The following MUC4 variants were observed in gnomAD, a reference collection of about 807,000 sequenced individuals.
MUC4 encodes the protein mucin 4, cell surface associated.
A neutral mutation model predicts 257.9 loss-of-function variants in MUC4; 202 were observed. That is an observed-to-expected ratio of 0.78 (90% CI 0.70 to 0.88). The LOEUF (loss-of-function observed/expected upper bound fraction) is 0.88. Among genes scored for constraint, MUC4 ranks in the 40% least tolerant of loss-of-function variants. The pLI, the probability that MUC4 is intolerant of heterozygous loss-of-function variation, is 0.00. For synonymous variants in MUC4, 2,351 were observed against 2,757.1 expected, an observed-to-expected ratio of 0.85 and a Z score of 4.62; for missense variants, 5,976 against 6,513.7, an observed-to-expected ratio of 0.92 and a Z score of 2.84.
In MUC4 at chr3:195,780,153, A is replaced by T. The variant is rs1726737424; in HGVS notation, c.11427T>A (p.Leu3809=). The T allele has an allele frequency of 6.7e-7, 1 of 1,492,674 alleles. No homozygotes were observed. Among genetic ancestry groups the T allele is most frequent in the Non-Finnish European group, 9.1e-7 (1 of 1,103,956 alleles). The allele number at this position is 1,492,674 out of a possible 1,614,324, so 92.5% of individuals were successfully genotyped here. ...SSASTGQATP[L]PVTSLSSVST... is the part of the protein sequence containing the mutation. ...ATACTGAGGAAAGGCTGGTGACAGG[A>T]AGAGGGGTGGCCTGACCTGTGGATG... The change falls in exon 2 of 25, where the codon CTT becomes CTA. Residue 3809 remains leucine (L), a synonymous_variant. Coordinates refer to ENST00000463781, the MANE Select transcript of MUC4 (RefSeq NM_018406.7).
intron 24 of MUC4, among the ~76,000 whole-genome samples, chr3:195,748,427 G>A (rs1346634346): frequency 6.6e-6 from 1 of 152,282 alleles, no homozygotes; most frequent in East Asian, 1.9e-4. Context: ...AGCTGGGCGT[G>A]GTGGTGCATG....
Position 195,766,653 on chromosome 3 carries a change from G to A in MUC4, c.13618+10C>T, listed in dbSNP as rs779149395. The A allele has an allele frequency of 1.6e-5, 26 of 1,613,172 alleles. No individual in the cohort carries two copies. The South Asian group carries it at 2.2e-4, about 14-fold the overall frequency. ...AGACCAGCTCAGGTGTGATAAGGTG[G>A]CACTTTTACCTGAGTTGGAATTCAG... On this transcript the variant is annotated intron_variant, in intron 8 of 24. Transcript: ENST00000463781.
At chr3:195,764,520 T>G (rs1044616468) in intron 10 of MUC4, among the ~76,000 whole-genome samples, 9 of 152,096 alleles carry the variant, frequency 5.9e-5, no homozygotes, top group African/African-American at 2.2e-4. Flanking sequence ...CAAGTACTGC[T>G]GCTCTCAACG....
In MUC4 at chr3:195,804,202, C is replaced by A. The variant is rs190663530; in HGVS notation, c.82+7534G>T. Among the ~76,000 whole-genome samples the A allele has an allele frequency of 4.9e-3, 749 of 152,328 alleles. 2 individuals are homozygous for A. Among genetic ancestry groups the A allele is most frequent in the Non-Finnish European group, 7.8e-3 (532 of 68,022 alleles). ...AGGCTCTGTCAAGCCTCTGCCATCACGTCAGCCAGAGATCTCCCATCAAGG... is the reference window on the plus strand; with the variant it reads ...AGGCTCTGTCAAGCCTCTGCCATCAAGTCAGCCAGAGATCTCCCATCAAGG... On this transcript the variant is annotated intron_variant, in intron 1 of 24. Transcript: ENST00000463781.
In MUC4 at chr3:195,759,254, G is replaced by A. The variant is rs750614470; in HGVS notation, c.14856C>T (p.Tyr4952=). Residue 4952 remains tyrosine, a synonymous_variant, in exon 17 of 25, where the codon TAC becomes TAT. Transcript: ENST00000463781. ...CACGACCACCATTGATGGAGGGCGG[G>A]TACTGATCTGAAACACAAAGAGGGA... ...YEQANATLNQ[Y]PPSINGGRVI... is the part of the protein sequence containing the mutation. 6.2e-7 allele frequency: 1 copy of A among 1,613,842 alleles called. No homozygotes were observed. The highest frequency in any genetic ancestry group is 2.2e-5 in the East Asian group (1 of 44,894).
At chr3:195,770,182 A>G in intron 6 of MUC4, 34 bp downstream of exon 6, 1 of 1,521,508 alleles carries the variant, frequency 6.6e-7, no homozygotes, top group Non-Finnish European at 8.8e-7. Flanking sequence ...TGACTCCCAG[A>G]TAGCTCCTGG....
chr3:195,790,012 G>A lies in MUC4; in HGVS notation c.1568C>T (p.Thr523Ile), dbSNP rs913854922. 5.6e-6 allele frequency: 9 copies of A among 1,613,902 alleles called. No homozygotes were observed. The African/African-American group carries it at 6.7e-5, about 12-fold the overall frequency. The change falls in exon 2 of 25, where the codon ACA becomes ATA. Residue 523 changes from threonine to isoleucine, a missense_variant. Thr to Ile is a moderately conservative substitution (Grantham distance 89, BLOSUM62 -1). Coordinates refer to ENST00000463781, the MANE Select transcript of MUC4 (RefSeq NM_018406.7). ...ATRLVTGNPS[T>I]GTAGTIPRVP... ...CCTTGGAATAGTGCCAGCTGTCCCT[G>A]TAGATGGATTTCCTGTGACAAGCCT... is the stretch of plus-strand genomic sequence containing the variant.
Position 195,749,028 on chromosome 3 carries a change from T to C in MUC4, c.15908A>G (p.Asp5303Gly). The C allele has an allele frequency of 6.2e-7, 1 of 1,609,036 alleles. No individual in the cohort carries two copies. Among genetic ancestry groups the C allele is most frequent in the Non-Finnish European group, 8.5e-7 (1 of 1,177,626 alleles). ...GACCAGGTCGTAGCCCTTGTAGCCA[T>C]CGCATCTGAAGTAAGCCTTCAGCGT... is the stretch of plus-strand genomic sequence containing the variant. ...VSTLKAYFRC[D>G]GYKGYDLVYS... Residue 5303 changes from aspartate to glycine, a missense_variant, in exon 24 of 25, where the codon GAT becomes GGT. Physicochemically the swap from Asp to Gly is moderately conservative, Grantham distance 94 (BLOSUM62 -1). Transcript: ENST00000463781.
Position 195,788,534 on chromosome 3 carries a change from A to T in MUC4, c.3046T>A (p.Ser1016Thr). The change falls in exon 2 of 25, where the codon TCA (serine) becomes ACA (threonine). Residue 1016 changes from serine (S) to threonine (T), a missense_variant. Ser to Thr is a moderately conservative substitution (Grantham distance 58). Coordinates refer to ENST00000463781, the MANE Select transcript of MUC4 (RefSeq NM_018406.7). The stretch of plus-strand genomic sequence containing the variant: ...GGGGTGGTGTGACCTGTGGATACTG[A>T]GGAAGGGCTGGTGACAGGAAGAGGG... ...ATPLPVTSPS[S>T]VSTGHTTPLP... is the part of the protein sequence containing the mutation. 1.4e-6 allele frequency: 2 copies of T among 1,470,804 alleles called. No homozygotes were observed. Among genetic ancestry groups the T allele is most frequent in the Non-Finnish European group, 1.8e-6 (2 of 1,094,960 alleles). The allele number at this position is 1,470,804 out of a possible 1,614,324, so 91.1% of individuals were successfully genotyped here.
chr3:195,764,082 GGGCC>G lies in MUC4; in HGVS notation c.14003_14006del (p.Arg4668ProfsTer103), dbSNP rs1719867310. 1 of 1,609,886 alleles carries G rather than the reference GGGCC, an allele frequency of 6.2e-7. No individual in the cohort carries two copies. The highest frequency in any genetic ancestry group is 1.3e-5 in the African/African-American group (1 of 74,904). On this transcript the variant is annotated frameshift_variant, in exon 11 of 25. Transcript: ENST00000463781. LOFTEE classifies it high-confidence loss of function. Reference sequence around the variant, plus strand: ...GCCTGTATGTAGCACAGCCCACGTGGGGCCGCCTCTGCTGGTACAGGGCACAGAG... The same window carrying G: ...GCCTGTATGTAGCACAGCCCACGTGGGCCTCTGCTGGTACAGGGCACAGAG...
rs1372700169 is a variant in MUC4 at position 195,755,883 on chromosome 3, G to A, written c.15168+1264C>T. Among the ~76,000 whole-genome samples, 2 of 152,022 alleles carry A rather than the reference G, an allele frequency of 1.3e-5. No homozygotes were observed. The highest frequency in any genetic ancestry group is 2.9e-5 in the Non-Finnish European group (2 of 68,008). On this transcript the variant is annotated intron_variant, in intron 18 of 24. Transcript: ENST00000463781. The surrounding 1 kb of genome is among the most constrained non-coding windows in gnomAD (Gnocchi z 5.0). ...TGTGTCTGTGTGTGCGTGTGCATGC[G>A]TGTGTGTGTAAGTGGTGAAGGAGGT...
At chr3:195,766,640 G>A (rs1720560253) in intron 8 of MUC4, 23 bp downstream of exon 8, 2 of 1,607,050 alleles carry the variant, frequency 1.2e-6, no homozygotes, top group Admixed American at 1.7e-5. Flanking sequence ...ACCAGCTCAG[G>A]TGTGATAAGG....
intron 7 of MUC4, among the ~76,000 whole-genome samples, chr3:195,767,534 C>T (rs866240661): frequency 9.9e-5 from 12 of 121,020 alleles, no homozygotes; most frequent in Middle Eastern, 4.5e-3. Context: ...ACCATCGCCA[C>T]CACCATCATC....
chr3:195,791,446 G>A lies in MUC4; in HGVS notation c.134C>T (p.Thr45Ile), dbSNP rs181580693. ...ITGSKTAAPV[T>I]STGSTTATLE... ...TGTCGCTGTTGTTGAGCCTGTTGAGGTGACTGGGGCAGCAGTTTTACTTCC... is the reference window on the plus strand; with the variant it reads ...TGTCGCTGTTGTTGAGCCTGTTGAGATGACTGGGGCAGCAGTTTTACTTCC... The change falls in exon 2 of 25, where the codon ACC (threonine) becomes ATC (isoleucine). Residue 45 changes from threonine to isoleucine, a missense_variant. Transcript: ENST00000463781. 3.1e-6 allele frequency: 5 copies of A among 1,613,968 alleles called. No individual in the cohort carries two copies. The highest frequency in any genetic ancestry group is 4.2e-6 in the Non-Finnish European group (5 of 1,179,884).
At chr3:195,799,200 C>T (rs910127196) in intron 1 of MUC4, among the ~76,000 whole-genome samples, 1 of 150,496 alleles carries the variant, frequency 6.6e-6, no homozygotes, top group Non-Finnish European at 1.5e-5. Flanking sequence ...TATGCCCGTT[C>T]TGTGTGTTGC....
rs748211868 is a variant in MUC4, at chr3:195,783,217, G to T, written c.8363C>A (p.Thr2788Asn). The T allele has an allele frequency of 7.3e-7, 1 of 1,375,572 alleles. No homozygotes were observed. The highest frequency in any genetic ancestry group is 1.0e-6 in the Non-Finnish European group (1 of 1,003,744). The allele number at this position is 1,375,572 out of a possible 1,614,324, so 85.2% of individuals were successfully genotyped here. ...ACCTGTGGATGCTGAGGAAGGGCTG[G>T]TGACATGAAGAGGGGTGGCGTGACC... ...STGHATPLHV[T>N]SPSSASTGHT... Residue 2788 changes from threonine (T) to asparagine (N), a missense_variant, in exon 2 of 25, where the codon ACC (threonine) becomes AAC (asparagine). Coordinates refer to ENST00000463781, the MANE Select transcript of MUC4 (RefSeq NM_018406.7).
Position 195,810,965 on chromosome 3 carries a change from C to G in MUC4, c.82+771G>C, listed in dbSNP as rs2149088240. The stretch of plus-strand genomic sequence containing the variant: ...GCCTGTCTTTCTCTCTGCGAGTAAG[C>G]CTGGGCTCTCACCATGGATCCTTCC... On this transcript the variant is annotated intron_variant, in intron 1 of 24. Coordinates refer to ENST00000463781, the MANE Select transcript of MUC4 (RefSeq NM_018406.7). This position sits in a 1 kb window ranked among gnomAD's most constrained non-coding sequence, Gnocchi z 4.2. Among the ~76,000 whole-genome samples, 1 of 152,010 alleles carries G rather than the reference C, an allele frequency of 6.6e-6. No homozygotes were observed. Among genetic ancestry groups the G allele is most frequent in the East Asian group, 1.9e-4 (1 of 5,148 alleles).
intron 16 of MUC4, among the ~76,000 whole-genome samples, chr3:195,760,083 CA>C (rs1718470000): frequency 6.6e-5 from 10 of 152,130 alleles, no homozygotes; most frequent in Admixed American, 6.5e-4. Flanking sequence ...AGTCATTTAA[CA>C]AACATTTATT....
chr3:195,799,138 A>T (rs915981179), intron 1 of MUC4, among the ~76,000 whole-genome samples: 1 of 152,044 alleles, frequency 6.6e-6, no homozygotes, highest in Non-Finnish European at 1.5e-5. Flanking sequence ...CTCGGGGGTC[A>T]TGTGGACTCC....
Sources: allele counts gnomAD v4.1 joint callset (sites outside exome capture counted in the v4.1 genomes callset), GRCh38; gene constraint gnomAD v4.1.1; non-coding constraint Gnocchi (gnomAD v3.1); transcripts MANE v1.5; gene names NCBI Gene and HGNC (gene_info 2026-07-23, HGNC 2026-07-21).